TUSC3: variants seen among roughly 807,000 people sequenced by gnomAD.
TUSC3 encodes dolichyl-diphosphooligosaccharide--protein glycosyltransferase subunit TUSC3.
In TUSC3, 45 loss-of-function variants were observed where a neutral mutation model predicts 44.8. That is an observed-to-expected ratio of 1.00 (90% CI 0.79 to 1.29). TUSC3 has a LOEUF of 1.29. TUSC3 is among the 50% of genes most tolerant of loss of function. The pLI is 0.00. For missense variants in TUSC3, 519 were observed against 437.9 expected (o/e 1.19, Z -1.65); for synonymous variants, 212 against 152.9 (o/e 1.39, Z -2.85).
intron 1 of TUSC3, among the ~76,000 whole-genome samples, chr8:15,472,997 T>C (rs1330301798): frequency 6.6e-6 from 1 of 152,178 alleles, no homozygotes; most frequent in Non-Finnish European, 1.5e-5. Context: ...CAGCAAATTA[T>C]AGAAGTAGGA....
rs17121896 is a variant in TUSC3 at position 15,743,772 on chromosome 8, A to T, written c.937+160A>T. Among the ~76,000 whole-genome samples, 3,807 of 152,268 alleles carry T rather than the reference A, an allele frequency of 0.025. 135 individuals are homozygous for T. The highest frequency in any genetic ancestry group is 0.085 in the African/African-American group (3,533 of 41,538). On this transcript the variant is annotated intron_variant, in intron 8 of 10. Transcript: ENST00000503731. ...TTTTCTATTGCTGGGATGTGTTCAT[A>T]TACTTGAAAATATATTTCTTCCAAA... is the stretch of plus-strand genomic sequence containing the variant.
intron 1 of TUSC3, among the ~76,000 whole-genome samples, chr8:15,608,107 G>A (rs189473931): frequency 7.2e-4 from 109 of 152,144 alleles, no homozygotes; most frequent in African/African-American, 2.5e-3. Context: ...CATTTAATTA[G>A]CACTATATTC....
At chr8:15,769,730 G>C (rs950192462), downstream of TUSC3, among the ~76,000 whole-genome samples, 2 of 150,808 alleles carry the variant, frequency 1.3e-5, no homozygotes, top group African/African-American at 4.8e-5. Context: ...AAATTTATAA[G>C]AGAAAACCCC....
At chr8:15,819,893 ATTT>A in the TUSC3 span, among the ~76,000 whole-genome samples, 1 of 152,068 alleles carries the variant, frequency 6.6e-6, no homozygotes, top group Non-Finnish European at 1.5e-5. Flanking sequence ...TTGTTTTTTC[ATTT>A]ATTATATGTT....
At chr8:15,455,080 C>G (rs941501517) in intron 1 of TUSC3, among the ~76,000 whole-genome samples, 1 of 152,070 alleles carries the variant, frequency 6.6e-6, no homozygotes, top group African/African-American at 2.4e-5. Context: ...GGGCCAGGAG[C>G]CAGCCTCAAA....
At chr8:15,586,488 A>C (rs1002487366) in intron 1 of TUSC3, among the ~76,000 whole-genome samples, 1 of 152,132 alleles carries the variant, frequency 6.6e-6, no homozygotes, top group South Asian at 2.1e-4. Context: ...TAAATGATTG[A>C]TCAAGGTCTG....
rs146958288 is a variant in TUSC3 at position 15,696,094 on chromosome 8, G to A, written c.798+22258G>A. Among the ~76,000 whole-genome samples, 910 of 152,306 alleles carry A rather than the reference G, an allele frequency of 6.0e-3. 11 individuals carry two copies. The highest frequency in any genetic ancestry group is 0.021 in the African/African-American group (866 of 41,570). On this transcript the variant is annotated intron_variant, in intron 6 of 10. Transcript: ENST00000503731. The stretch of plus-strand genomic sequence containing the variant: ...TGAATGTTAATCCCCAAGACAATGG[G>A]GAAAATGTCTCCAGGGAATGTTAAA...
the TUSC3 span, among the ~76,000 whole-genome samples, chr8:15,833,111 C>T: frequency 3.9e-5 from 6 of 152,058 alleles, no homozygotes; most frequent in Admixed American, 2.6e-4. Flanking sequence ...TAAGTAAAAG[C>T]TCAACATCAC....
At chr8:15,836,500 A>C in the TUSC3 span, among the ~76,000 whole-genome samples, 1 of 151,896 alleles carries the variant, frequency 6.6e-6, no homozygotes, top group South Asian at 2.1e-4. Context: ...AAATTAATAT[A>C]AGATTGGTAC....
At chr8:15,694,385 G>A (rs1809058776) in intron 6 of TUSC3, among the ~76,000 whole-genome samples, 1 of 137,178 alleles carries the variant, frequency 7.3e-6, no homozygotes, top group Non-Finnish European at 1.5e-5. Context: ...GCAATAAGCC[G>A]AGATCACGCC....
chr8:15,670,281 A>G (rs1807885874), intron 5 of TUSC3, among the ~76,000 whole-genome samples: 1 of 151,852 alleles, frequency 6.6e-6, no homozygotes, highest in Non-Finnish European at 1.5e-5. Flanking sequence ...AAGGAAGAAT[A>G]ATGCTGGAGA....
chr8:15,584,558 A>T (rs990999655), intron 1 of TUSC3, among the ~76,000 whole-genome samples: 5 of 152,228 alleles, frequency 3.3e-5, no homozygotes, highest in African/African-American at 1.2e-4. Context: ...GAGCCACTTT[A>T]TGAGCTAATA....
chr8:15,561,770 G>A (rs1341827804), intron 1 of TUSC3: 1 of 139,580 alleles, frequency 7.2e-6, no homozygotes. Flanking sequence ...CGATTTTCCA[G>A]GTGCCGTCCG....
At chr8:15,563,283 CTA>C (rs1390155329) in intron 1 of TUSC3, among the ~76,000 whole-genome samples, 3 of 152,080 alleles carry the variant, frequency 2.0e-5, no homozygotes, top group Admixed American at 1.3e-4. Context: ...AGGTGAATCT[CTA>C]TGTCTCTCGA....
intron 6 of TUSC3, among the ~76,000 whole-genome samples, chr8:15,710,163 A>G (rs1231552393): frequency 2.6e-5 from 4 of 151,630 alleles, no homozygotes; most frequent in African/African-American, 9.7e-5. Context: ...TTTTGTCTGG[A>G]GGCTAGAATC....
chr8:15,568,229 G>A (rs1294538479), intron 1 of TUSC3, among the ~76,000 whole-genome samples: 2 of 152,122 alleles, frequency 1.3e-5, no homozygotes, highest in South Asian at 2.1e-4. Context: ...CAGATGCTAA[G>A]CAAAAAACAC....
intron 4 of TUSC3, 130 bp from the exon 5 acceptor site, chr8:15,662,026 G>C: frequency 4.2e-6 from 4 of 958,268 alleles, no homozygotes; most frequent in Non-Finnish European, 6.4e-6. Flanking sequence ...AGTAGTGCTA[G>C]TGTCACGTAT....
chr8:15,537,852 A>G (rs190820488), upstream of TUSC3, among the ~76,000 whole-genome samples: 1 of 152,324 alleles, frequency 6.6e-6, no homozygotes, highest in East Asian at 1.9e-4. Flanking sequence ...AGATGTCAAT[A>G]TTTTACTGAT....
intron 1 of TUSC3, among the ~76,000 whole-genome samples, chr8:15,572,458 T>G (rs2129143646): frequency 6.6e-6 from 1 of 152,334 alleles, no homozygotes; most frequent in Non-Finnish European, 1.5e-5. Flanking sequence ...CTATCCAAAC[T>G]ATTTAAACTT....
Sources: allele counts gnomAD v4.1 joint callset (sites outside exome capture counted in the v4.1 genomes callset), GRCh38; gene constraint gnomAD v4.1.1; transcripts MANE v1.5; gene names NCBI Gene and HGNC (gene_info 2026-07-23, HGNC 2026-07-21).